CAMKMT: variants seen among roughly 807,000 people sequenced by gnomAD.
CAMKMT encodes calmodulin-lysine N-methyltransferase.
In CAMKMT, 53 loss-of-function variants were observed where a neutral mutation model predicts 48.0. That is an observed-to-expected ratio of 1.10 (90% confidence interval 0.89 to 1.39). The LOEUF is 1.39. CAMKMT is among the 40% of genes most tolerant of loss of function. CAMKMT has a pLI of 0.00. For missense variants in CAMKMT, 428 were observed against 402.7 expected (o/e 1.06, Z -0.54); for synonymous variants, 165 against 152.3 (o/e 1.08, Z -0.61).
chr2:44,537,142 C>G (rs184082359), intron 3 of CAMKMT, among the ~76,000 whole-genome samples: 105 of 152,144 alleles, frequency 6.9e-4, no homozygotes, highest in African/African-American at 2.4e-3. Context: ...GCATAGACAA[C>G]AAAAACAAAA....
intron 3 of CAMKMT, among the ~76,000 whole-genome samples, chr2:44,698,174 T>C (rs1677062653): frequency 6.6e-6 from 1 of 152,242 alleles, no homozygotes; most frequent in Admixed American, 6.5e-5. Context: ...CACACACTTG[T>C]GCAACTGTCA....
chr2:44,633,353 A>G (rs1298852953), intron 3 of CAMKMT, among the ~76,000 whole-genome samples: 4 of 152,136 alleles, frequency 2.6e-5, no homozygotes, highest in East Asian at 1.9e-4. Flanking sequence ...TCCTTTGAAT[A>G]TATTTCTGTG....
At chr2:44,382,453 A>G (rs1168075783) in intron 2 of CAMKMT, among the ~76,000 whole-genome samples, 3 of 150,186 alleles carry the variant, frequency 2.0e-5, no homozygotes, top group African/African-American at 7.3e-5. Context: ...GGTCAGTCAT[A>G]TTGCAAATAA....
At chr2:44,739,989 G>A (rs943212508) in intron 7 of CAMKMT, among the ~76,000 whole-genome samples, 1 of 152,110 alleles carries the variant, frequency 6.6e-6, no homozygotes, top group Non-Finnish European at 1.5e-5. Flanking sequence ...CATAAGAGAA[G>A]GTACTGGCTG....
chr2:44,659,154 G>C (rs1397470485), intron 3 of CAMKMT, among the ~76,000 whole-genome samples: 1 of 149,364 alleles, frequency 6.7e-6, no homozygotes, highest in Non-Finnish European at 1.5e-5. Flanking sequence ...AGGCACAGTG[G>C]CTCACACCTG....
chr2:44,743,721 TC>T, intron 8 of CAMKMT, 25 bp downstream of exon 8: 1 of 1,577,880 alleles, frequency 6.3e-7, no homozygotes, highest in East Asian at 2.2e-5. Flanking sequence ...ATCACAAAAC[TC>T]CTGTTAGAAA....
chr2:44,591,014 C>G (rs1032254445), intron 3 of CAMKMT, among the ~76,000 whole-genome samples: 5 of 152,230 alleles, frequency 3.3e-5, no homozygotes, highest in African/African-American at 1.2e-4. Flanking sequence ...ATAGGGAGTC[C>G]TTTCCCCATT....
At chr2:44,696,466 A>G (rs1451381047) in intron 3 of CAMKMT, among the ~76,000 whole-genome samples, 1 of 152,184 alleles carries the variant, frequency 6.6e-6, no homozygotes, top group Non-Finnish European at 1.5e-5. Flanking sequence ...AAAGTTGTTT[A>G]AGAAGTAGTT....
In CAMKMT at chr2:44,574,302, G is replaced by A. The variant is rs147995609; in HGVS notation, c.377-129981G>A. Among the ~76,000 whole-genome samples the A allele has an allele frequency of 6.0e-3, 913 of 152,280 alleles. 10 individuals carry two copies. Among genetic ancestry groups the A allele is most frequent in the African/African-American group, 0.021 (865 of 41,552 alleles). On this transcript the variant is annotated intron_variant, in intron 3 of 10. Coordinates refer to ENST00000378494, the MANE Select transcript of CAMKMT (RefSeq NM_024766.5). ...CACAGGATCGAATGGGTGAGGTAGGGTAGGTATGTTGAATAAGTTTAGGAT... is the reference window on the plus strand; with the variant it reads ...CACAGGATCGAATGGGTGAGGTAGGATAGGTATGTTGAATAAGTTTAGGAT...
intron 8 of CAMKMT, among the ~76,000 whole-genome samples, chr2:44,753,653 T>G (rs1448760412): frequency 2.0e-5 from 3 of 152,200 alleles, no homozygotes; most frequent in Non-Finnish European, 4.4e-5. Context: ...GGCTGGTGGT[T>G]TGTGGTCTGA....
intron 3 of CAMKMT, among the ~76,000 whole-genome samples, chr2:44,429,506 C>T (rs1684506434): frequency 1.3e-5 from 2 of 152,072 alleles, no homozygotes; most frequent in South Asian, 4.1e-4. Context: ...ACTAATGACT[C>T]TTCCAAGGTT....
intron 7 of CAMKMT, among the ~76,000 whole-genome samples, chr2:44,724,797 A>G (rs1678687973): frequency 6.6e-6 from 1 of 152,312 alleles, no homozygotes; most frequent in Middle Eastern, 3.4e-3. Context: ...CACAGCTTTT[A>G]GTTGTTGGGA....
At chr2:44,703,780 A>AT (rs915657780) in intron 3 of CAMKMT, among the ~76,000 whole-genome samples, 1 of 151,588 alleles carries the variant, frequency 6.6e-6, no homozygotes, top group Non-Finnish European at 1.5e-5. Context: ...CTAAAAAAAA[A>AT]AAAAAAAAAA....
rs6712899 is a variant in CAMKMT at position 44,371,266 on chromosome 2, G to A, written c.139-1450G>A. Among the ~76,000 whole-genome samples, 1,398 of 152,168 alleles carry A rather than the reference G, an allele frequency of 9.2e-3. 21 individuals are homozygous for A. The highest frequency in any genetic ancestry group is 0.032 in the African/African-American group (1,321 of 41,526). On this transcript the variant is annotated intron_variant, in intron 1 of 10. Transcript: ENST00000378494. ...TCCCCAAAGTGCTGGGATTACAGGCGTGAGCCACTGTGCCCAGCCTATTTT... is the reference window on the plus strand; with the variant it reads ...TCCCCAAAGTGCTGGGATTACAGGCATGAGCCACTGTGCCCAGCCTATTTT...
Position 44,642,296 on chromosome 2 carries a change from G to A in CAMKMT, c.377-61987G>A, listed in dbSNP as rs183765384. On this transcript the variant is annotated intron_variant, in intron 3 of 10. Coordinates refer to ENST00000378494, the MANE Select transcript of CAMKMT (RefSeq NM_024766.5). The stretch of plus-strand genomic sequence containing the variant: ...CCTAAAAGATAAGCAAAGAATGGGT[G>A]GAGAGAAGATAAGGGTGCAGAGAAA... 3.3e-5 allele frequency among the ~76,000 whole-genome samples: 5 copies of A among 152,284 alleles called. No homozygotes were observed. The East Asian group carries it at 9.7e-4, about 29-fold the overall frequency.
chr2:44,678,523 C>T (rs1675845086), intron 3 of CAMKMT, among the ~76,000 whole-genome samples: 1 of 152,216 alleles, frequency 6.6e-6, no homozygotes, highest in South Asian at 2.1e-4. Context: ...GGGCTGAATT[C>T]ATTACTCCTG....
intron 3 of CAMKMT, among the ~76,000 whole-genome samples, chr2:44,481,879 T>A (rs1668981546): frequency 6.6e-6 from 1 of 152,086 alleles, no homozygotes; most frequent in Admixed American, 6.6e-5. Flanking sequence ...TAGTTAAGTT[T>A]GAACAGCTTA....
intron 3 of CAMKMT, among the ~76,000 whole-genome samples, chr2:44,458,142 G>A (rs557507132): frequency 3.4e-5 from 5 of 146,396 alleles, no homozygotes; most frequent in Non-Finnish European, 5.9e-5. Flanking sequence ...TGCCTCCCCG[G>A]TTCAAACGAT....
chr2:44,442,122 C>T (rs987824141), intron 3 of CAMKMT, among the ~76,000 whole-genome samples: 1 of 152,060 alleles, frequency 6.6e-6, no homozygotes, highest in African/African-American at 2.4e-5. Flanking sequence ...CAGAGTCTGG[C>T]CCAAATACTC....
Sources: gnomAD v4.1 joint callset for allele counts (sites outside exome capture counted in the v4.1 genomes callset) on GRCh38, gnomAD v4.1.1 for gene constraint, MANE v1.5 for transcripts, NCBI Gene and HGNC (gene_info 2026-07-23, HGNC 2026-07-21) for gene names.